Variants in KATNIP observed in about 807,000 individuals in gnomAD.
KATNIP encodes katanin-interacting protein.
Under a neutral mutation model 174.0 loss-of-function variants are expected in KATNIP, and 126 were observed. The observed-to-expected ratio is 0.72, with a 90% CI of 0.63 to 0.84. The LOEUF (loss-of-function observed/expected upper bound fraction) is 0.84. KATNIP is among the 40% of genes least tolerant of loss of function. The pLI is 0.00. For missense variants in KATNIP, 1,958 were observed against 2,109.7 expected, an observed-to-expected ratio of 0.93 and a Z score of 1.41; for synonymous variants, 810 against 835.7, an observed-to-expected ratio of 0.97 and a Z score of 0.53.
intron 2 of KATNIP, among the ~76,000 whole-genome samples, chr16:27,590,933 A>G (rs1023284173): frequency 1.3e-5 from 2 of 152,188 alleles, no homozygotes; most frequent in African/African-American, 2.4e-5. Context: ...GTGCTGGGAA[A>G]TAAGCATATG....
chr16:27,756,022 C>G (rs549076644), intron 18 of KATNIP, among the ~76,000 whole-genome samples: 5 of 152,330 alleles, frequency 3.3e-5, no homozygotes, highest in African/African-American at 1.2e-4. Flanking sequence ...GTCAGCACTT[C>G]CCGCCACCAG....
At chr16:27,684,696 G>A (rs540992586) in intron 8 of KATNIP, among the ~76,000 whole-genome samples, 1 of 152,332 alleles carries the variant, frequency 6.6e-6, no homozygotes, top group African/African-American at 2.4e-5. Flanking sequence ...AAGGCACTGG[G>A]GGGTAGTCCA....
intron 2 of KATNIP, among the ~76,000 whole-genome samples, chr16:27,614,137 G>A (rs1315278208): frequency 6.6e-6 from 1 of 151,286 alleles, no homozygotes; most frequent in Non-Finnish European, 1.5e-5. Context: ...GAGTGCAGTG[G>A]TGCTATCTCA....
chr16:27,777,951 C>G lies in KATNIP; in HGVS notation c.4783C>G (p.Gln1595Glu), dbSNP rs147438027. ...NQIITNAKRK[Q>E]SVVDPALRPK... is the part of the protein sequence containing the mutation. Reference sequence around the variant, plus strand: ...AATCATTACCAACGCGAAACGGAAGCAGAGCGTTGTTGACCCAGGTCAGTG... The same window carrying G: ...AATCATTACCAACGCGAAACGGAAGGAGAGCGTTGTTGACCCAGGTCAGTG... The change falls in exon 27 of 28, where the codon CAG becomes GAG. Residue 1595 changes from glutamine to glutamate, a missense_variant. By Grantham distance (29) the Gln-to-Glu change is conservative. Around this residue, in one of 3 missense-constraint regions of KATNIP, gnomAD observed 383 missense variants for 456.0 expected, o/e 0.84. Transcript: ENST00000261588. This position sits in a 1 kb window ranked among gnomAD's most constrained non-coding sequence, Gnocchi z 4.4. 112 of 1,613,950 alleles carry G rather than the reference C, an allele frequency of 6.9e-5. No homozygotes were observed. The African/African-American group carries it at 1.3e-3, about 19-fold the overall frequency.
chr16:27,711,165 T>G (rs556695304), intron 13 of KATNIP, among the ~76,000 whole-genome samples: 10 of 152,066 alleles, frequency 6.6e-5, no homozygotes, highest in African/African-American at 2.4e-4. Context: ...TGGGGGAAAG[T>G]TGGGGTTTTA....
intron 14 of KATNIP, among the ~76,000 whole-genome samples, chr16:27,737,725 GGAAGCTGCC>G (rs2080949987): frequency 6.6e-6 from 1 of 152,132 alleles, no homozygotes; most frequent in Admixed American, 6.5e-5. Flanking sequence ...GCAAAGGAGG[GGAAGCTGCC>G]GAGTACTGCC....
intron 1 of KATNIP, among the ~76,000 whole-genome samples, chr16:27,571,687 T>A (rs953165182): frequency 6.6e-6 from 1 of 152,240 alleles, no homozygotes; most frequent in Non-Finnish European, 1.5e-5. Flanking sequence ...CACTGGCCTC[T>A]GCACTACTCC....
intron 1 of KATNIP, among the ~76,000 whole-genome samples, chr16:27,572,578 A>T (rs1360711933): frequency 6.6e-6 from 1 of 151,968 alleles, no homozygotes; most frequent in Non-Finnish European, 1.5e-5. Context: ...CCAATTCCAA[A>T]TTCCTGGGAC....
At chr16:27,683,328 TA>T (rs2078414131) in intron 8 of KATNIP, among the ~76,000 whole-genome samples, 1 of 152,176 alleles carries the variant, frequency 6.6e-6, no homozygotes, top group Non-Finnish European at 1.5e-5. Context: ...CAGAGTGGCT[TA>T]AACAATGGAA....
intron 14 of KATNIP, among the ~76,000 whole-genome samples, chr16:27,728,135 C>T (rs879515606): frequency 1.3e-5 from 2 of 152,238 alleles, no homozygotes; most frequent in Non-Finnish European, 2.9e-5. Flanking sequence ...AGGGTCTGGG[C>T]GCTGTGGGGG....
chr16:27,757,515 C>G, intron 18 of KATNIP: 1 of 985,442 alleles, frequency 1.0e-6, no homozygotes, highest in Admixed American at 6.1e-5. Flanking sequence ...AGATGTGTTT[C>G]CTGCTGACCC....
At chr16:27,560,283 GAAAAAAAAAAA>G (rs765910684) in intron 1 of KATNIP, among the ~76,000 whole-genome samples, 1 of 44,988 alleles carries the variant, frequency 2.2e-5, no homozygotes, top group Non-Finnish European at 5.0e-5. Context: ...CTCTGTCTCA[GAAAAAAAAAAA>G]AAAAAAAAAA....
chr16:27,684,324 T>C (rs1208581427), intron 8 of KATNIP, among the ~76,000 whole-genome samples: 2 of 152,214 alleles, frequency 1.3e-5, no homozygotes, highest in Non-Finnish European at 2.9e-5. Flanking sequence ...GAATCTCTGC[T>C]CTTAATTACT....
chr16:27,664,095 A>T (rs1252804529), intron 6 of KATNIP, among the ~76,000 whole-genome samples: 1 of 152,152 alleles, frequency 6.6e-6, no homozygotes, highest in African/African-American at 2.4e-5. Flanking sequence ...TACAGGCATG[A>T]GCCACCATGC....
intron 8 of KATNIP, among the ~76,000 whole-genome samples, chr16:27,693,830 C>T (rs2078824108): frequency 6.6e-6 from 1 of 152,172 alleles, no homozygotes; most frequent in African/African-American, 2.4e-5. Flanking sequence ...GCCCTTACAA[C>T]ATTTCTTAGA....
At position 27,776,772 on chromosome 16, in the gene KATNIP, G is replaced by A. The variant is rs990804426; in HGVS notation, c.4450-156G>A. Reference sequence around the variant, plus strand: ...CGTGACCTGACTCAAGATGGGCTTCGAGGAGATGAAAGGGGGCGGAACTCC... The same window carrying A: ...CGTGACCTGACTCAAGATGGGCTTCAAGGAGATGAAAGGGGGCGGAACTCC... On this transcript the variant is annotated intron_variant, in intron 24 of 27. Coordinates refer to ENST00000261588, the MANE Select transcript of KATNIP (RefSeq NM_015202.5). This position sits in a 1 kb window ranked among gnomAD's most constrained non-coding sequence, Gnocchi z 4.7. The A allele has an allele frequency of 2.5e-5, 16 of 636,592 alleles. No individual in the cohort carries two copies. Among genetic ancestry groups the A allele is most frequent in the Non-Finnish European group, 4.0e-5 (14 of 352,476 alleles). The allele number at this position is 636,592 out of a possible 1,614,324, so 39.4% of individuals were successfully genotyped here.
chr16:27,656,960 A>C (rs948148596), intron 6 of KATNIP, among the ~76,000 whole-genome samples: 2 of 151,942 alleles, frequency 1.3e-5, no homozygotes, highest in Non-Finnish European at 2.9e-5. Flanking sequence ...CTAAAAAAAA[A>C]CACAATAAAG....
chr16:27,592,270 CTTTTTTTTTT>C (rs71137799), intron 2 of KATNIP, among the ~76,000 whole-genome samples: 12 of 44,822 alleles, frequency 2.7e-4, no homozygotes, highest in Admixed American at 3.8e-4. Flanking sequence ...GCATATATTA[CTTTTTTTTTT>C]TTTTTTTTTT....
At chr16:27,622,657 C>A (rs1374347177) in intron 3 of KATNIP, among the ~76,000 whole-genome samples, 3 of 151,984 alleles carry the variant, frequency 2.0e-5, no homozygotes, top group Admixed American at 6.6e-5. Context: ...AAAGGTCATT[C>A]AAGGGAAACT....
Sources: gnomAD v4.1 joint callset for allele counts (sites outside exome capture counted in the v4.1 genomes callset) on GRCh38, gnomAD v4.1.1 for gene constraint, gnomAD v4.1.1 regional missense constraint, Gnocchi (gnomAD v3.1) non-coding constraint, MANE v1.5 for transcripts, NCBI Gene and HGNC (gene_info 2026-07-23, HGNC 2026-07-21) for gene names.